Variants in SMIM35 observed in about 807,000 individuals in gnomAD.
SMIM35 encodes the protein small integral membrane protein 35.
chr11:118,025,672 C>T (rs904989800), intron 1 of SMIM35: 10 of 446,656 alleles, frequency 2.2e-5, no homozygotes, highest in African/African-American at 1.8e-4. Flanking sequence ...GCCCAAGTTC[C>T]TTATAGATTC....
intron 1 of SMIM35, among the ~76,000 whole-genome samples, chr11:118,083,844 G>A (rs1945338240): frequency 6.6e-6 from 1 of 152,132 alleles, no homozygotes; most frequent in South Asian, 2.1e-4. Flanking sequence ...CATGAGGTCA[G>A]GAGTTCAAGA....
intron 1 of SMIM35, among the ~76,000 whole-genome samples, chr11:118,048,006 A>G (rs1213195659): frequency 1.3e-5 from 2 of 152,168 alleles, no homozygotes; most frequent in Non-Finnish European, 2.9e-5. Context: ...CTCTCTCTGC[A>G]TGCCTCCCCA....
At chr11:118,057,138 A>G (rs1310563445) in intron 1 of SMIM35, among the ~76,000 whole-genome samples, 1 of 152,202 alleles carries the variant, frequency 6.6e-6, no homozygotes, top group Non-Finnish European at 1.5e-5. Context: ...TGCTGGAGAA[A>G]GGGCGACACT....
At chr11:118,079,095 T>G (rs1944925376) in intron 1 of SMIM35, among the ~76,000 whole-genome samples, 1 of 151,916 alleles carries the variant, frequency 6.6e-6, no homozygotes, top group South Asian at 2.1e-4. Flanking sequence ...AGGGGTCAGG[T>G]CAGGCCTGGG....
chr11:118,027,747 G>C (rs552395436), intron 1 of SMIM35, among the ~76,000 whole-genome samples: 2 of 152,266 alleles, frequency 1.3e-5, no homozygotes, highest in African/African-American at 4.8e-5. Context: ...CTGTGGCAGG[G>C]AGGCACACAT....
chr11:118,028,039 T>C (rs141624578), intron 1 of SMIM35, among the ~76,000 whole-genome samples: 1 of 152,328 alleles, frequency 6.6e-6, no homozygotes, highest in Non-Finnish European at 1.5e-5. Flanking sequence ...AGACAATCCT[T>C]TACATCCCCT....
At chr11:118,068,143 C>T (rs1413400069) in intron 1 of SMIM35, among the ~76,000 whole-genome samples, 1 of 151,832 alleles carries the variant, frequency 6.6e-6, no homozygotes, top group Non-Finnish European at 1.5e-5. Flanking sequence ...TGATTCATCT[C>T]CCCGGTCCCA....
chr11:118,008,111 C>T (rs915155877), intron 4 of SMIM35, among the ~76,000 whole-genome samples: 4 of 152,032 alleles, frequency 2.6e-5, no homozygotes, highest in African/African-American at 9.7e-5. Flanking sequence ...CTCAAGTGAT[C>T]CACCCGCCTT....
intron 1 of SMIM35, among the ~76,000 whole-genome samples, chr11:118,037,208 G>C (rs2058366209): frequency 6.6e-6 from 1 of 152,186 alleles, no homozygotes; most frequent in South Asian, 2.1e-4. Flanking sequence ...TTGTGCAGTT[G>C]AGATTTTCTC....
rs561181007 is a variant in SMIM35 at position 118,075,589 on chromosome 11, G to A, written c.7+11162C>T. ...TGCCCGAAACTACTTCATGTCCATA[G>A]GCTATAGTTTCCTCAGCTGACAAAT... is the stretch of plus-strand genomic sequence containing the variant. On this transcript the variant is annotated intron_variant, in intron 1 of 4. Coordinates refer to ENST00000689828, the MANE Select transcript of SMIM35 (RefSeq NM_001394165.1). Among the ~76,000 whole-genome samples, 8 of 152,182 alleles carry A rather than the reference G, an allele frequency of 5.3e-5. No individual in the cohort carries two copies. The South Asian group carries it at 1.7e-3, about 32-fold the overall frequency.
chr11:118,074,748 GAAAA>G (rs55685115), intron 1 of SMIM35, among the ~76,000 whole-genome samples: 2 of 135,644 alleles, frequency 1.5e-5, no homozygotes, highest in African/African-American at 2.8e-5. Flanking sequence ...CCCTGTCTCA[GAAAA>G]AAAAAAAAAA....
chr11:118,080,089 G>GGGA (rs1945008916), intron 1 of SMIM35, among the ~76,000 whole-genome samples: 1 of 152,176 alleles, frequency 6.6e-6, no homozygotes, highest in Admixed American at 6.5e-5. Flanking sequence ...GCTGGGGATT[G>GGGA]GGAGGACCCA....
intron 1 of SMIM35, among the ~76,000 whole-genome samples, chr11:118,078,096 T>G (rs940091102): frequency 6.7e-5 from 10 of 149,524 alleles, no homozygotes; most frequent in African/African-American, 2.5e-4. Flanking sequence ...ATCTAGGGTG[T>G]TTGTGGTCAT....
chr11:118,028,692 A>T (rs2058293590), intron 1 of SMIM35: 1 of 298,840 alleles, frequency 3.3e-6, no homozygotes, highest in South Asian at 2.9e-5. Flanking sequence ...GAAGGTGGAG[A>T]GGAAAAAAGT....
intron 1 of SMIM35, among the ~76,000 whole-genome samples, chr11:118,031,317 G>T (rs1403655670): frequency 6.6e-6 from 1 of 152,160 alleles, no homozygotes; most frequent in African/African-American, 2.4e-5. Context: ...TAAGATCTTG[G>T]CTTCTGAATG....
chr11:118,040,652 C>CAA (rs985555408), intron 1 of SMIM35, among the ~76,000 whole-genome samples: 1 of 151,014 alleles, frequency 6.6e-6, no homozygotes. Flanking sequence ...CGTACACACA[C>CAA]AAAAAAAAGG....
At chr11:118,016,203 C>T (rs755926374) in intron 1 of SMIM35, among the ~76,000 whole-genome samples, 1 of 152,180 alleles carries the variant, frequency 6.6e-6, no homozygotes, top group Non-Finnish European at 1.5e-5. Flanking sequence ...CGGGGACCCT[C>T]AGTCCCCCCA....
intron 1 of SMIM35, among the ~76,000 whole-genome samples, chr11:118,046,924 A>C (rs1944106434): frequency 6.6e-6 from 1 of 152,212 alleles, no homozygotes; most frequent in Non-Finnish European, 1.5e-5. Flanking sequence ...AAGTTTAGAG[A>C]GAAGGATGTT....
chr11:118,086,332 T>G (rs1945553510), intron 1 of SMIM35, among the ~76,000 whole-genome samples: 1 of 152,228 alleles, frequency 6.6e-6, no homozygotes, highest in African/African-American at 2.4e-5. Context: ...CTGGAGCCAT[T>G]ATGTGCTGAG....
Sources: gnomAD v4.1 joint callset for allele counts (sites outside exome capture counted in the v4.1 genomes callset) on GRCh38, gnomAD v4.1.1 for gene constraint, MANE v1.5 for transcripts, NCBI Gene and HGNC (gene_info 2026-07-23, HGNC 2026-07-21) for gene names.